The following FOXP2 variants were observed in gnomAD, a reference collection of about 807,000 sequenced individuals.
FOXP2 encodes the protein forkhead box P2.
Under a neutral mutation model 115.8 loss-of-function variants are expected in FOXP2, and 12 were observed. The ratio of observed to expected loss-of-function variants is 0.10; its 90% CI spans 0.07 to 0.17. FOXP2 has a LOEUF of 0.17. Ranked by LOEUF, FOXP2 falls within the 10% of genes least tolerant of loss-of-function variation. FOXP2 has a pLI of 1.00. For synonymous variants in FOXP2, 328 were observed against 297.7 expected (o/e 1.10, Z -1.05); for missense variants, 629 against 843.5 (o/e 0.75, Z 3.15).
chr7:114,101,716 C>T (rs1313788644), intron 1 of FOXP2, among the ~76,000 whole-genome samples: 1 of 151,964 alleles, frequency 6.6e-6, no homozygotes, highest in Non-Finnish European at 1.5e-5. Context: ...CTGTTTTCCT[C>T]TATTTTGTAA....
chr7:114,405,619 G>A (rs1674099547), intron 2 of FOXP2, among the ~76,000 whole-genome samples: 3 of 151,858 alleles, frequency 2.0e-5, no homozygotes, highest in African/African-American at 7.2e-5. Context: ...ACAGGTAAAA[G>A]ATGTAATAGT....
chr7:114,507,285 T>C (rs889164095), intron 2 of FOXP2, among the ~76,000 whole-genome samples: 1 of 151,922 alleles, frequency 6.6e-6, no homozygotes, highest in African/African-American at 2.4e-5. Context: ...AATTCTCCAT[T>C]GATTTCCTTA....
intron 5 of FOXP2, chr7:114,630,647 T>C (rs560155109): frequency 6.5e-6 from 1 of 154,416 alleles, no homozygotes; most frequent in Non-Finnish European, 1.4e-5. Context: ...CTGCCCATTA[T>C]GCAAACGTAC....
Position 114,307,677 on chromosome 7 carries a change from A to C in FOXP2, c.-11+19568A>C, listed in dbSNP as rs140783370. On this transcript the variant is annotated intron_variant, in intron 2 of 17. Transcript: ENST00000634411. ...AGCTATGATTGCCATACATTTCATA[A>C]CTCAAAGCCAATTGGGCATCAGGAG... 4.9e-3 allele frequency among the ~76,000 whole-genome samples: 748 copies of C among 152,296 alleles called. 2 individuals carry two copies. The highest frequency in any genetic ancestry group is 0.01 in the Middle Eastern group (3 of 294).
intron 2 of FOXP2, among the ~76,000 whole-genome samples, chr7:114,526,172 TAAAAAAA>T (rs3028251): frequency 1.3e-5 from 1 of 79,730 alleles, no homozygotes; most frequent in Non-Finnish European, 2.2e-5. Context: ...GTTTCTTTAT[TAAAAAAA>T]AAAAAAAAAA....
chr7:114,689,632 A>G, intron 16 of FOXP2, 150 bp from the exon 17 acceptor site: 1 of 747,200 alleles, frequency 1.3e-6, no homozygotes, highest in Non-Finnish European at 2.3e-6. Context: ...CATGTCTCTA[A>G]CCAGCTCACG....
At chr7:114,590,362 T>A (rs1802381956) in intron 3 of FOXP2, among the ~76,000 whole-genome samples, 1 of 152,190 alleles carries the variant, frequency 6.6e-6, no homozygotes, top group Admixed American at 6.5e-5. Context: ...TCTTGCTGTT[T>A]TAACGTGCAC....
intron 16 of FOXP2, among the ~76,000 whole-genome samples, chr7:114,673,875 T>C (rs1807623543): frequency 6.6e-6 from 1 of 152,184 alleles, no homozygotes; most frequent in African/African-American, 2.4e-5. Context: ...AATTTTTTTA[T>C]ATTTTTAGTA....
chr7:114,663,570 T>G (rs1440987465), intron 15 of FOXP2, 51 bp downstream of exon 15: 1 of 1,420,960 alleles, frequency 7.0e-7, no homozygotes, highest in Non-Finnish European at 9.8e-7. Flanking sequence ...GGCTTTTTTT[T>G]TTTTTTTGGC....
intron 16 of FOXP2, among the ~76,000 whole-genome samples, chr7:114,681,918 C>T (rs376309326): frequency 2.6e-5 from 4 of 152,154 alleles, no homozygotes; most frequent in Admixed American, 6.5e-5. Context: ...TTAGAGCTAA[C>T]GAAACTCATA....
intron 5 of FOXP2, 133 bp from the exon 6 acceptor site, chr7:114,631,395 C>CCTT (rs1804912976): frequency 1.4e-6 from 2 of 1,433,832 alleles, no homozygotes; most frequent in Non-Finnish European, 1.9e-6. Flanking sequence ...TCACATTCTG[C>CCTT]CCCTGAACTT....
At chr7:114,413,306 T>C (rs910062798), upstream of FOXP2, among the ~76,000 whole-genome samples, 1 of 152,134 alleles carries the variant, frequency 6.6e-6, no homozygotes. Context: ...ACTTAAAAAA[T>C]ATATTCCTGA....
intron 2 of FOXP2, among the ~76,000 whole-genome samples, chr7:114,464,142 AGTCTGGAAATTTTTAGTAAAT>A (rs1208901835): frequency 1.3e-5 from 2 of 152,182 alleles, no homozygotes; most frequent in Non-Finnish European, 2.9e-5. Flanking sequence ...GTGAAACTGC[AGTCTGGAAATTTTTAGTAAAT>A]GTGGAGAGCA....
intron 1 of FOXP2, among the ~76,000 whole-genome samples, chr7:114,264,980 C>T (rs1795859982): frequency 6.6e-6 from 1 of 152,112 alleles, no homozygotes; most frequent in Non-Finnish European, 1.5e-5. Context: ...CCCACCAGGC[C>T]CTACTTCCAA....
intron 8 of FOXP2, among the ~76,000 whole-genome samples, chr7:114,650,459 A>C (rs1563059290): frequency 6.6e-6 from 1 of 152,122 alleles, no homozygotes. Context: ...GAAACACAGC[A>C]ATATGAAGCC....
At chr7:114,400,475 A>G (rs1194376432) in intron 2 of FOXP2, among the ~76,000 whole-genome samples, 1 of 152,172 alleles carries the variant, frequency 6.6e-6, no homozygotes, top group East Asian at 1.9e-4. Context: ...TGTTAAAGAA[A>G]AACATATTCA....
At chr7:114,374,379 G>T (rs1346374722) in intron 2 of FOXP2, among the ~76,000 whole-genome samples, 1 of 152,108 alleles carries the variant, frequency 6.6e-6, no homozygotes, top group East Asian at 1.9e-4. Context: ...AAAATAATGT[G>T]AGATTTCAGT....
chr7:114,253,821 T>C (rs1402464192), intron 1 of FOXP2, among the ~76,000 whole-genome samples: 3 of 152,224 alleles, frequency 2.0e-5, no homozygotes, highest in Non-Finnish European at 4.4e-5. Flanking sequence ...ATGTGTGAAT[T>C]TGATCCTGTC....
chr7:114,632,956 T>C (rs943109527), intron 6 of FOXP2, among the ~76,000 whole-genome samples: 4 of 151,906 alleles, frequency 2.6e-5, no homozygotes, highest in Admixed American at 6.6e-5. Flanking sequence ...TTTAAAGACA[T>C]GAAAAAGTAA....
Sources: allele counts gnomAD v4.1 joint callset (sites outside exome capture counted in the v4.1 genomes callset), GRCh38; gene constraint gnomAD v4.1.1; transcripts MANE v1.5; gene names NCBI Gene and HGNC (gene_info 2026-07-23, HGNC 2026-07-21).